ANKRD7: variants seen among roughly 807,000 people sequenced by gnomAD.
The protein encoded by ANKRD7 is ankyrin repeat domain-containing protein 7.
Under a neutral mutation model 30.8 loss-of-function variants are expected in ANKRD7, and 30 were observed. That is an observed-to-expected ratio of 0.97 (90% CI 0.73 to 1.32). ANKRD7 has a LOEUF of 1.32. ANKRD7 is among the 40% of genes most tolerant of loss of function. The pLI is 0.00. For synonymous variants in ANKRD7, 97 were observed against 106.6 expected (o/e 0.91, Z 0.55); for missense variants, 264 against 295.7 (o/e 0.89, Z 0.79).
chr7:118,229,114 G>A (rs982880963), intron 1 of ANKRD7, among the ~76,000 whole-genome samples: 5 of 151,986 alleles, frequency 3.3e-5, no homozygotes, highest in Non-Finnish European at 5.9e-5. Context: ...CCTTCTTACT[G>A]TTCCACAGAA....
At chr7:118,236,744 T>C in intron 4 of ANKRD7, 46 bp from the exon 5 acceptor site, 1 of 1,574,224 alleles carries the variant, frequency 6.4e-7, no homozygotes, top group Non-Finnish European at 8.6e-7. Flanking sequence ...AAATTAGGCA[T>C]GTTTAAGATC....
At chr7:118,242,323 C>G (rs531071250) in intron 6 of ANKRD7, 26 bp from the exon 7 acceptor site, 3 of 152,238 alleles carry the variant, frequency 2.0e-5, no homozygotes, top group African/African-American at 7.2e-5. Flanking sequence ...TAAGTGAAGA[C>G]ATTATAAATA....
intron 4 of ANKRD7, 112 bp from the exon 5 acceptor site, chr7:118,236,678 C>A (rs181158404): frequency 8.8e-7 from 1 of 1,141,046 alleles, no homozygotes. Context: ...GTTGCTTTGA[C>A]TCTTTCTGAT....
At chr7:118,228,136 C>A in intron 1 of ANKRD7, 1 of 1,089,542 alleles carries the variant, frequency 9.2e-7, no homozygotes, top group Non-Finnish European at 1.2e-6. Flanking sequence ...GGCATTTCTC[C>A]TAATTCTGTG....
intron 5 of ANKRD7, among the ~76,000 whole-genome samples, chr7:118,239,299 T>C (rs1177681663): frequency 6.6e-6 from 1 of 152,120 alleles, no homozygotes; most frequent in African/African-American, 2.4e-5. Context: ...AGGATCTAGT[T>C]TGTGGTCTCC....
At chr7:118,229,104 CCTT>C (rs1198781201) in intron 1 of ANKRD7, among the ~76,000 whole-genome samples, 2 of 152,192 alleles carry the variant, frequency 1.3e-5, no homozygotes, top group South Asian at 2.1e-4. Context: ...GCTACACTGG[CCTT>C]CTTACTGTTC....
chr7:118,239,956 A>T lies in ANKRD7; in HGVS notation c.760A>T (p.Lys254Ter). The T allele has an allele frequency of 3.8e-6, 6 of 1,594,292 alleles. No homozygotes were observed. The highest frequency in any genetic ancestry group is 5.1e-6 in the Non-Finnish European group (6 of 1,167,856). ...TASHGKKKHA[K>*] is the part of the protein sequence containing the mutation. ...GAGCCATGGAAAGAAGAAACATGCTAAATAGACACCTTATTCTTGGCACTA... is the reference window on the plus strand; with the variant it reads ...GAGCCATGGAAAGAAGAAACATGCTTAATAGACACCTTATTCTTGGCACTA... Residue 254 changes from lysine (K) to a stop codon, truncating the protein, a stop_gained, in exon 6 of 7, where the codon AAA becomes TAA. Transcript: ENST00000265224. LOFTEE classifies it high-confidence loss of function.
At chr7:118,237,027 G>A in intron 5 of ANKRD7, 101 bp downstream of exon 5, 1 of 1,229,648 alleles carries the variant, frequency 8.1e-7, no homozygotes, top group South Asian at 1.5e-5. Flanking sequence ...TCAACAGTAG[G>A]GGTAACCACA....
At chr7:118,235,962 A>G (rs1203487107) in intron 3 of ANKRD7, 79 bp from the exon 4 acceptor site, 1 of 699,836 alleles carries the variant, frequency 1.4e-6, no homozygotes. Flanking sequence ...TTATGCACAC[A>G]TATTTTAAGT....
intron 3 of ANKRD7, among the ~76,000 whole-genome samples, chr7:118,235,234 CAG>C: frequency 6.6e-6 from 1 of 152,092 alleles, no homozygotes; most frequent in African/African-American, 2.4e-5. Context: ...ATAATAATAA[CAG>C]GGTTGAAATA....
intron 6 of ANKRD7, among the ~76,000 whole-genome samples, chr7:118,240,637 T>C (rs1228206854): frequency 6.6e-6 from 1 of 152,112 alleles, no homozygotes; most frequent in Non-Finnish European, 1.5e-5. Flanking sequence ...GTCTCATGTC[T>C]AGCTATAAAA....
intron 1 of ANKRD7, among the ~76,000 whole-genome samples, chr7:118,230,861 T>C (rs547530225): frequency 1.4e-4 from 22 of 152,170 alleles, no homozygotes; most frequent in African/African-American, 4.6e-4. Flanking sequence ...TTTGGAAGCA[T>C]TGTGCTTAAG....
chr7:118,228,747 C>A (rs1275329929), intron 1 of ANKRD7, among the ~76,000 whole-genome samples: 1 of 152,006 alleles, frequency 6.6e-6, no homozygotes, highest in South Asian at 2.1e-4. Flanking sequence ...ATCTTGTTGG[C>A]TCCTCCTTCA....
chr7:118,232,481 A>G (rs1809659024), intron 1 of ANKRD7, among the ~76,000 whole-genome samples: 1 of 152,012 alleles, frequency 6.6e-6, no homozygotes, highest in African/African-American at 2.4e-5. Flanking sequence ...CCCAGGCTGT[A>G]TTGTTCAACA....
At chr7:118,235,858 C>G (rs571621648) in intron 3 of ANKRD7, among the ~76,000 whole-genome samples, 183 bp from the exon 4 acceptor site, 19 of 152,196 alleles carry the variant, frequency 1.2e-4, no homozygotes, top group Non-Finnish European at 2.4e-4. Context: ...ATTTTTTTGT[C>G]TGGCTCAACC....
At position 118,234,484 on chromosome 7, in the gene ANKRD7, TA is replaced by T; in HGVS notation, c.235del (p.Ile79LeufsTer7). The T allele has an allele frequency of 6.2e-7, 1 of 1,613,380 alleles. No individual in the cohort carries two copies. The highest frequency in any genetic ancestry group is 8.5e-7 in the Non-Finnish European group (1 of 1,179,730). On this transcript the variant is annotated frameshift_variant, in exon 2 of 7. Coordinates refer to ENST00000265224, the MANE Select transcript of ANKRD7 (RefSeq NM_019644.4). LOFTEE classifies it high-confidence loss of function. ...GGACATACAGATGTTGTACTTTTCC[TA>T]ATTGAGCAACAATGCAAAATAAATG... is the stretch of plus-strand genomic sequence containing the variant. Reference protein sequence around the residue: ...ANGHTDVVLFLIEQQCKINVR... With the variant: ...ANGHTDVVLFXIEQQCKINVR...
chr7:118,242,357 C>G lies in ANKRD7; in HGVS notation c.*46C>G, dbSNP rs549449731. Reference sequence around the variant, plus strand: ...TATCATTTGTTTCCTAGATATGGAACCCATTTCTACAATTTCTTTGCCGCT... The same window carrying G: ...TATCATTTGTTTCCTAGATATGGAAGCCATTTCTACAATTTCTTTGCCGCT... On this transcript the variant is annotated 3_prime_UTR_variant, in exon 7 of 7. Transcript: ENST00000265224. 6.6e-6 allele frequency: 1 copy of G among 152,200 alleles called. No homozygotes were observed. Among genetic ancestry groups the G allele is most frequent in the East Asian group, 1.9e-4 (1 of 5,190 alleles). 9.4% of individuals were successfully genotyped at this position (152,200 alleles called of 1,614,324 possible).
chr7:118,239,856 T>A, intron 5 of ANKRD7, 53 bp from the exon 6 acceptor site: 1 of 1,245,578 alleles, frequency 8.0e-7, no homozygotes, highest in Non-Finnish European at 1.2e-6. Context: ...TACTTATATG[T>A]TAGGAATTAA....
intron 5 of ANKRD7, among the ~76,000 whole-genome samples, chr7:118,239,004 A>C (rs1046301610): frequency 6.6e-6 from 1 of 152,166 alleles, no homozygotes; most frequent in Non-Finnish European, 1.5e-5. Flanking sequence ...GGTCCTTATA[A>C]AAAGGGGAGG....
Sources: gnomAD v4.1 joint callset for allele counts (sites outside exome capture counted in the v4.1 genomes callset) on GRCh38, gnomAD v4.1.1 for gene constraint, MANE v1.5 for transcripts, NCBI Gene and HGNC (gene_info 2026-07-23, HGNC 2026-07-21) for gene names.